Variants in CNGB3 observed in about 807,000 individuals in gnomAD.
CNGB3 encodes the protein cyclic nucleotide-gated channel beta-3.
CNGB3 carries 86 observed loss-of-function variants against 92.8 expected under a neutral mutation model. The ratio of observed to expected loss-of-function variants is 0.93; its 90% CI spans 0.78 to 1.11. CNGB3 has a LOEUF of 1.11. CNGB3 is among the 50% of genes least tolerant of loss of function. CNGB3 has a pLI of 0.00. For missense variants in CNGB3, 1,026 were observed against 956.8 expected, an observed-to-expected ratio of 1.07 and a Z score of -0.95; for synonymous variants, 333 against 332.7, an observed-to-expected ratio of 1.00 and a Z score of -0.01.
rs753181003 is a variant in CNGB3, at chr8:86,604,195, T to C, written c.1679A>G (p.Glu560Gly). Residue 560 changes from glutamate to glycine, a missense_variant, in exon 15 of 18, where the codon GAA becomes GGA. Coordinates refer to ENST00000320005, the MANE Select transcript of CNGB3 (RefSeq NM_019098.5). ...FVCKKGEIGKEMYIIKHGEVQ... is the reference protein window; with the variant it reads ...FVCKKGEIGKGMYIIKHGEVQ... ...TTCTCCATGCTTGATGATATACATT[T>C]CCTTGCCAATTTCTCCCTACATTTT... is the stretch of plus-strand genomic sequence containing the variant. 6.2e-7 allele frequency: 1 copy of C among 1,609,964 alleles called. No homozygotes were observed. The highest frequency in any genetic ancestry group is 1.7e-5 in the Admixed American group (1 of 60,004).
intron 1 of CNGB3, among the ~76,000 whole-genome samples, chr8:86,742,435 A>G (rs1479206036): frequency 6.6e-6 from 1 of 152,166 alleles, no homozygotes; most frequent in East Asian, 1.9e-4. Flanking sequence ...AGCAGTCAAC[A>G]TTAATCAGAA....
chr8:86,735,789 A>G (rs1825241049), intron 2 of CNGB3, among the ~76,000 whole-genome samples: 1 of 152,226 alleles, frequency 6.6e-6, no homozygotes, highest in African/African-American at 2.4e-5. Flanking sequence ...TCTTCAATGT[A>G]AGCTAACAAA....
intron 5 of CNGB3, among the ~76,000 whole-genome samples, chr8:86,667,659 A>G (rs988939448): frequency 3.9e-5 from 6 of 152,238 alleles, no homozygotes; most frequent in Admixed American, 2.6e-4. Context: ...GCTGCAGGAA[A>G]GGATTTGTTC....
At chr8:86,633,021 A>C in intron 10 of CNGB3, 128 bp from the exon 11 acceptor site, 2 of 818,560 alleles carry the variant, frequency 2.4e-6, no homozygotes, top group Non-Finnish European at 4.0e-6. Context: ...TTCTCTAGAC[A>C]GCACTGGCAA....
intron 15 of CNGB3, among the ~76,000 whole-genome samples, chr8:86,582,393 C>CAAA (rs35627136): frequency 7.4e-6 from 1 of 134,864 alleles, no homozygotes; most frequent in African/African-American, 2.8e-5. Flanking sequence ...GACCCTATCT[C>CAAA]AAAAAAAAAA....
At chr8:86,615,034 C>T (rs759455008) in intron 13 of CNGB3, among the ~76,000 whole-genome samples, 21 of 152,020 alleles carry the variant, frequency 1.4e-4, no homozygotes, top group African/African-American at 1.9e-4. Context: ...AAAATACAAA[C>T]GAAAAATACG....
At chr8:86,707,468 T>A (rs78599189) in intron 3 of CNGB3, 144 of 151,936 alleles carry the variant, frequency 9.5e-4, no homozygotes, top group African/African-American at 3.3e-3. Flanking sequence ...GAGGGAAGAG[T>A]TATGCAGATA....
intron 6 of CNGB3, chr8:86,659,345 GT>G: frequency 2.6e-6 from 3 of 1,142,348 alleles, no homozygotes; most frequent in Non-Finnish European, 4.0e-6. Flanking sequence ...GTAACTGCTG[GT>G]TAGCATCAGG....
intron 10 of CNGB3, among the ~76,000 whole-genome samples, chr8:86,636,211 A>C (rs1823068073): frequency 6.6e-6 from 1 of 152,032 alleles, no homozygotes; most frequent in Non-Finnish European, 1.5e-5. Flanking sequence ...ACAGTACTTC[A>C]GAATATATAT....
chr8:86,578,822 G>T lies in CNGB3; in HGVS notation c.1970C>A (p.Pro657His). The T allele has an allele frequency of 6.2e-7, 1 of 1,614,204 alleles. No individual in the cohort carries two copies. Among genetic ancestry groups the T allele is most frequent in the East Asian group, 2.2e-5 (1 of 44,878 alleles). ...KQKAKTAEAT[P>H]PRKDLALLFP... ...GAGGAGGGCAAGATCTTTTCTTGGA[G>T]GGGTTGCTTCTGCGGTCTTAGCCTT... is the stretch of plus-strand genomic sequence containing the variant. Residue 657 changes from proline (P) to histidine (H), a missense_variant, in exon 17 of 18, where the codon CCT (proline) becomes CAT (histidine). Coordinates refer to ENST00000320005, the MANE Select transcript of CNGB3 (RefSeq NM_019098.5).
intron 13 of CNGB3, among the ~76,000 whole-genome samples, chr8:86,622,372 CTTCT>C (rs1387711495): frequency 9.4e-4 from 103 of 109,028 alleles, no homozygotes; most frequent in African/African-American, 4.8e-3. Flanking sequence ...TGGGGCCATT[CTTCT>C]TTTTTTTTTT....
chr8:86,684,251 C>T (rs757775171), intron 3 of CNGB3, among the ~76,000 whole-genome samples: 6 of 152,008 alleles, frequency 3.9e-5, no homozygotes, highest in South Asian at 2.1e-4. Flanking sequence ...AAAGGTGTCT[C>T]GCATCATTAG....
chr8:86,594,553 C>A, intron 15 of CNGB3: 1 of 331,020 alleles, frequency 3.0e-6, no homozygotes, highest in South Asian at 2.7e-5. Context: ...GTCGGTAGAC[C>A]AGGGAAGGGT....
chr8:86,604,286 A>G, intron 14 of CNGB3, 75 bp from the exon 15 acceptor site: 1 of 962,310 alleles, frequency 1.0e-6, no homozygotes, highest in Admixed American at 1.9e-5. Context: ...AGAAATATAA[A>G]TTCTTTTAGA....
intron 17 of CNGB3, 72 bp from the exon 18 acceptor site, chr8:86,576,202 A>G: frequency 6.8e-7 from 1 of 1,477,380 alleles, no homozygotes; most frequent in Non-Finnish European, 9.3e-7. Flanking sequence ...TTTGATTAGC[A>G]TGCAATGGCT....
intron 6 of CNGB3, chr8:86,659,803 TTTC>T: frequency 2.6e-6 from 1 of 384,660 alleles, no homozygotes; most frequent in Non-Finnish European, 5.1e-6. Flanking sequence ...CTTGCTTTCT[TTTC>T]TTCTTCCAGT....
chr8:86,622,142 C>T (rs1039163606), intron 13 of CNGB3, among the ~76,000 whole-genome samples: 4 of 152,082 alleles, frequency 2.6e-5, no homozygotes, highest in African/African-American at 9.7e-5. Flanking sequence ...ATGGGTATTC[C>T]GTGGTATATT....
chr8:86,743,376 A>G (rs915796697), intron 1 of CNGB3, 123 bp downstream of exon 1: 3 of 1,035,952 alleles, frequency 2.9e-6, no homozygotes, highest in East Asian at 2.4e-5. Flanking sequence ...CCGACACAGT[A>G]CATGTACCAG....
At chr8:86,655,720 C>T (rs1029316026) in intron 6 of CNGB3, among the ~76,000 whole-genome samples, 2 of 152,144 alleles carry the variant, frequency 1.3e-5, no homozygotes, top group African/African-American at 4.8e-5. Context: ...TCCTCTATTT[C>T]CTCAGTTCCT....
Sources: gnomAD v4.1 joint callset for allele counts (sites outside exome capture counted in the v4.1 genomes callset) on GRCh38, gnomAD v4.1.1 for gene constraint, MANE v1.5 for transcripts, NCBI Gene and HGNC (gene_info 2026-07-23, HGNC 2026-07-21) for gene names.